IRAK4: variants seen among roughly 807,000 people sequenced by gnomAD.
The protein encoded by IRAK4 is interleukin-1 receptor-associated kinase 4.
IRAK4 carries 44 observed loss-of-function variants against 51.8 expected under a neutral mutation model. The ratio of observed to expected loss-of-function variants is 0.85; its 90% CI spans 0.67 to 1.09. IRAK4 has a LOEUF of 1.09. Ranked by LOEUF, IRAK4 falls within the 50% of genes least tolerant of loss-of-function variation. The pLI, the probability that IRAK4 is intolerant of heterozygous loss-of-function variation, is 0.00. For missense variants in IRAK4, 487 were observed against 538.0 expected, an observed-to-expected ratio of 0.91 and a Z score of 0.94; for synonymous variants, 149 against 174.1, an observed-to-expected ratio of 0.86 and a Z score of 1.13.
At chr12:43,783,839 G>T (rs898728514) in intron 10 of IRAK4, 115 bp downstream of exon 10, 1 of 719,330 alleles carries the variant, frequency 1.4e-6, no homozygotes, top group Non-Finnish European at 2.5e-6. Context: ...CTTTCCATTG[G>T]CTATTACACG....
chr12:43,781,006 T>C (rs1941734166), intron 8 of IRAK4, among the ~76,000 whole-genome samples: 2 of 152,204 alleles, frequency 1.3e-5, no homozygotes, highest in Non-Finnish European at 2.9e-5. Flanking sequence ...TTCATCTGGG[T>C]ATCCCACAGT....
intron 6 of IRAK4, among the ~76,000 whole-genome samples, chr12:43,775,874 CTTTTTTTTT>C (rs770553873): frequency 1.1e-4 from 10 of 90,542 alleles, no homozygotes; most frequent in African/African-American, 5.0e-4. Flanking sequence ...AATATCATTA[CTTTTTTTTT>C]TTTTTTTTTT....
At chr12:43,785,621 T>A (rs1942140965) in intron 10 of IRAK4, among the ~76,000 whole-genome samples, 1 of 144,824 alleles carries the variant, frequency 6.9e-6, no homozygotes, top group Non-Finnish European at 1.5e-5. Context: ...TATATATATG[T>A]GTGTATATAT....
intron 1 of IRAK4, chr12:43,759,339 G>C (rs918190980): frequency 1.3e-5 from 2 of 152,218 alleles, no homozygotes; most frequent in African/African-American, 2.4e-5. Flanking sequence ...GAACCCGACT[G>C]CGAAATGAAG....
rs749964168 is a variant in IRAK4 at position 43,789,064 on chromosome 12, T to C, written c.*2349T>C. 1.2e-4 allele frequency: 19 copies of C among 152,194 alleles called. No individual in the cohort carries two copies. The highest frequency in any genetic ancestry group is 3.9e-4 in the African/African-American group (16 of 41,432). 9.4% of individuals were successfully genotyped at this position (152,194 alleles called of 1,614,324 possible). On this transcript the variant is annotated 3_prime_UTR_variant, in exon 12 of 12. Coordinates refer to ENST00000613694, the MANE Select transcript of IRAK4 (RefSeq NM_016123.4). The stretch of plus-strand genomic sequence containing the variant: ...GAGTTAAGACTTTGGGAAGGGATGA[T>C]TATATTTTGCAATGTGAGAAAGACA...
intron 1 of IRAK4, chr12:43,763,361 G>A (rs1388839849): frequency 1.3e-5 from 2 of 152,194 alleles, no homozygotes; most frequent in Non-Finnish European, 2.9e-5. Flanking sequence ...GAGTGCAGAA[G>A]CAGATACAAG....
intron 8 of IRAK4, 48 bp from the exon 9 acceptor site, chr12:43,782,259 T>C: frequency 7.4e-7 from 1 of 1,347,464 alleles, no homozygotes; most frequent in East Asian, 2.3e-5. Flanking sequence ...TTTGACTTTT[T>C]TGGGGTGGGA....
intron 8 of IRAK4, 41 bp from the exon 9 acceptor site, chr12:43,782,241 AGGAACTGTTTGACTTTTTTGGGGTG>A (rs1317481408): frequency 2.0e-6 from 2 of 986,240 alleles, no homozygotes; most frequent in African/African-American, 1.6e-5. Context: ...CATCTAGCTA[AGGAACTGTTTGACTTTTTTGGGGTG>A]GGAAAAACAT....
At chr12:43,768,026 A>G (rs995405922) in intron 1 of IRAK4, 77 bp from the exon 2 acceptor site, 6 of 1,042,884 alleles carry the variant, frequency 5.8e-6, no homozygotes, top group Middle Eastern at 2.5e-4. Flanking sequence ...ATGATATAGC[A>G]AAGTGTGATA....
chr12:43,759,879 A>G lies in IRAK4; in HGVS notation c.-10+863A>G, dbSNP rs1335772163. Among the ~76,000 whole-genome samples, 3 of 151,934 alleles carry G rather than the reference A, an allele frequency of 2.0e-5. 1 individual carries two copies. The highest frequency in any genetic ancestry group is 6.3e-3 in the Middle Eastern group (2 of 316). ...GGAGACTCCGTCTCAAAAGAAAAAA[A>G]AAAAAAAAAAAGCAAACCCTGAGAA... On this transcript the variant is annotated intron_variant, in intron 1 of 11. Coordinates refer to ENST00000613694, the MANE Select transcript of IRAK4 (RefSeq NM_016123.4).
intron 6 of IRAK4, 95 bp from the exon 7 acceptor site, chr12:43,777,535 G>T (rs1407515423): frequency 3.4e-5 from 36 of 1,059,012 alleles, no homozygotes; most frequent in Middle Eastern, 5.8e-4. Context: ...CTATTTTTTT[G>T]CTCTTTTTTT....
chr12:43,773,660 CT>C (rs1424770935), intron 5 of IRAK4: 1 of 255,378 alleles, frequency 3.9e-6, no homozygotes, highest in African/African-American at 2.3e-5. Context: ...CATTTTGCAC[CT>C]AAATTGCTTA....
chr12:43,773,909 G>A, intron 5 of IRAK4, 56 bp from the exon 6 acceptor site: 1 of 1,125,320 alleles, frequency 8.9e-7, no homozygotes, highest in Non-Finnish European at 1.3e-6. Context: ...TGATCCCTCT[G>A]AGCATTAGGA....
At chr12:43,774,566 CA>C (rs1300288684) in intron 6 of IRAK4, among the ~76,000 whole-genome samples, 6 of 152,152 alleles carry the variant, frequency 3.9e-5, no homozygotes, top group Non-Finnish European at 7.4e-5. Context: ...TAAGTCACAA[CA>C]AAGTTACGTG....
In IRAK4 at chr12:43,781,275, C is replaced by T. The variant is rs140694879; in HGVS notation, c.942-1032C>T. Among the ~76,000 whole-genome samples the T allele has an allele frequency of 4.1e-4, 63 of 152,326 alleles. 1 individual carries two copies. The highest frequency in any genetic ancestry group is 3.4e-3 in the Middle Eastern group (1 of 294). ...CTTTGTTACAAACCTTCGTAGTCAA[C>T]CTAAATCCAGCCTATCAGTTCTCAT... On this transcript the variant is annotated intron_variant, in intron 8 of 11. Coordinates refer to ENST00000613694, the MANE Select transcript of IRAK4 (RefSeq NM_016123.4).
chr12:43,760,629 G>A (rs749680136), intron 1 of IRAK4, among the ~76,000 whole-genome samples: 2 of 152,098 alleles, frequency 1.3e-5, no homozygotes, highest in Non-Finnish European at 2.9e-5. Flanking sequence ...TTTACATTTC[G>A]TTTTGTCCAC....
intron 1 of IRAK4, among the ~76,000 whole-genome samples, chr12:43,763,941 T>C (rs1465108610): frequency 6.6e-6 from 1 of 152,174 alleles, no homozygotes; most frequent in Non-Finnish European, 1.5e-5. Flanking sequence ...ACCATCCTGG[T>C]TTTTTTCTTG....
chr12:43,769,438 T>C (rs1565667339), intron 2 of IRAK4, among the ~76,000 whole-genome samples: 1 of 148,370 alleles, frequency 6.7e-6, no homozygotes, highest in African/African-American at 2.5e-5. Flanking sequence ...GGTGGGCAGA[T>C]TGCTTGAGCC....
chr12:43,782,620 TCTA>T, intron 9 of IRAK4, 130 bp downstream of exon 9: 1 of 755,276 alleles, frequency 1.3e-6, no homozygotes. Context: ...CACATTAACC[TCTA>T]CTTATACCAG....
Sources: gnomAD v4.1 joint callset for allele counts (sites outside exome capture counted in the v4.1 genomes callset) on GRCh38, gnomAD v4.1.1 for gene constraint, MANE v1.5 for transcripts, NCBI Gene and HGNC (gene_info 2026-07-23, HGNC 2026-07-21) for gene names.